The following ZNF93 variants were observed in gnomAD, a reference collection of about 807,000 sequenced individuals.
ZNF93 encodes the protein zinc finger protein 505.
In ZNF93, 29 loss-of-function variants were observed where a neutral mutation model predicts 45.0. That is an observed-to-expected ratio of 0.64 (90% CI 0.48 to 0.88). The LOEUF is 0.88. ZNF93 is among the 40% of genes least tolerant of loss of function. The probability of loss-of-function intolerance (pLI) is 0.00; values close to 1 mark genes in which losing one functional copy is unlikely to be tolerated. For synonymous variants in ZNF93, 223 were observed against 244.6 expected, an observed-to-expected ratio of 0.91 and a Z score of 0.82; for missense variants, 578 against 724.0, an observed-to-expected ratio of 0.80 and a Z score of 2.31.
intron 1 of ZNF93, chr19:19,908,662 G>A (rs1042074974): frequency 6.6e-6 from 1 of 151,986 alleles, no homozygotes; most frequent in South Asian, 2.1e-4. Flanking sequence ...GACCAACATG[G>A]AGAAACCCCT....
rs779491023 is a variant in ZNF93 at position 19,933,930 on chromosome 19, C to A, written c.975C>A (p.Ser325=). The A allele has an allele frequency of 1.6e-5, 26 of 1,612,314 alleles. No homozygotes were observed. The highest frequency in any genetic ancestry group is 1.1e-5 in the Non-Finnish European group (13 of 1,179,432). ...CEECGKAFKY[S]RILTTHKRIH... ...AATGTGGCAAAGCCTTTAAGTACTC[C>A]CGTATCCTTACTACACATAAGAGAA... Residue 325 remains serine, a synonymous_variant, in exon 4 of 4, where the codon TCC becomes TCA. Coordinates refer to ENST00000343769, the MANE Select transcript of ZNF93 (RefSeq NM_031218.4).
In ZNF93 at chr19:19,907,218, A is replaced by G. The variant is rs180998296; in HGVS notation, c.3+6127A>G. On this transcript the variant is annotated intron_variant, in intron 1 of 3. Transcript: ENST00000343769. ...ATTTTTTCCATTTTTAGTCCTTCAA[A>G]GTAGACACAGATTTGTTTAGATAAA... Among the ~76,000 whole-genome samples the G allele has an allele frequency of 7.8e-4, 119 of 152,132 alleles. 1 individual carries two copies. Among genetic ancestry groups the G allele is most frequent in the African/African-American group, 2.7e-3 (114 of 41,482 alleles).
chr19:19,927,100 T>G (rs958337806), intron 3 of ZNF93: 1 of 398,460 alleles, frequency 2.5e-6, no homozygotes, highest in African/African-American at 2.1e-5. Context: ...TTATTGAAGT[T>G]TATATTTCAG....
rs188885157 is a variant in ZNF93 at position 19,909,680 on chromosome 19, G to T, written c.4-5600G>T. Among the ~76,000 whole-genome samples, 102 of 152,288 alleles carry T rather than the reference G, an allele frequency of 6.7e-4. No individual in the cohort carries two copies. The East Asian group carries it at 0.017, about 26-fold the overall frequency. On this transcript the variant is annotated intron_variant, in intron 1 of 3. Coordinates refer to ENST00000343769, the MANE Select transcript of ZNF93 (RefSeq NM_031218.4). ...ATTTTCTTTCTGTTCTATTATTGTG[G>T]AGTTTCTCTGAAAATAGAGAAAATT...
chr19:19,932,057 C>T (rs764891711), intron 3 of ZNF93: 49 of 327,542 alleles, frequency 1.5e-4, no homozygotes, highest in Non-Finnish European at 2.4e-5. Context: ...GGGTGGATCC[C>T]GAGGTCAGGA....
chr19:19,930,888 C>G (rs897663485), intron 3 of ZNF93, among the ~76,000 whole-genome samples: 1 of 152,068 alleles, frequency 6.6e-6, no homozygotes, highest in African/African-American at 2.4e-5. Context: ...GCCTCGGCAC[C>G]TAGGTGGCTT....
intron 1 of ZNF93, among the ~76,000 whole-genome samples, chr19:19,902,562 G>A (rs894811781): frequency 6.6e-6 from 1 of 151,746 alleles, no homozygotes; most frequent in Non-Finnish European, 1.5e-5. Flanking sequence ...CCAGCCAACA[G>A]GAGTTTATAA....
In ZNF93 at chr19:19,916,592, C is replaced by A. The variant is rs745922943; in HGVS notation, c.163C>A (p.His55Asn). The change falls in exon 3 of 4, where the codon CAT (histidine) becomes AAT (asparagine). Residue 55 changes from histidine to asparagine, a missense_variant. Physicochemically the swap from His to Asn is moderately conservative, Grantham distance 68. This residue lies in a region of ZNF93 where 446 missense variants were observed against 547.6 expected (regional missense o/e 0.81). Transcript: ENST00000343769. ...TGTCTCTAAGCCAGACCTGATCGCC[C>A]ATCTGGAGCAAGGAAAAAAACCTTT... ...IVVSKPDLIA[H>N]LEQGKKPLTM... 1.8e-5 allele frequency: 29 copies of A among 1,611,844 alleles called. No individual in the cohort carries two copies. Among genetic ancestry groups the A allele is most frequent in the Non-Finnish European group, 2.3e-5 (27 of 1,179,202 alleles).
At position 19,933,420 on chromosome 19, in the gene ZNF93, T is replaced by A. The variant is rs1341114878; in HGVS notation, c.465T>A (p.His155Gln). Residue 155 changes from histidine to glutamine, a missense_variant, in exon 4 of 4, where the codon CAT becomes CAA. Transcript: ENST00000343769. The part of the protein sequence containing the change: ...FQCDKYGKVF[H>Q]KFSNSNRHNI... ...GTGATAAATATGGGAAAGTCTTTCATAAATTTTCAAATTCAAATAGACATA... is the reference window on the plus strand; with the variant it reads ...GTGATAAATATGGGAAAGTCTTTCAAAAATTTTCAAATTCAAATAGACATA... 3 of 1,596,228 alleles carry A rather than the reference T, an allele frequency of 1.9e-6. No individual in the cohort carries two copies. The African/African-American group carries it at 4.1e-5, about 22-fold the overall frequency.
intron 3 of ZNF93, among the ~76,000 whole-genome samples, chr19:19,920,448 T>G (rs943181653): frequency 6.6e-6 from 1 of 152,220 alleles, no homozygotes; most frequent in African/African-American, 2.4e-5. Flanking sequence ...GGTATCAGGA[T>G]GATGCTGGCC....
At chr19:19,929,937 CAAAAAAAAA>C (rs71172547) in intron 3 of ZNF93, among the ~76,000 whole-genome samples, 19 of 57,688 alleles carry the variant, frequency 3.3e-4, no homozygotes, top group African/African-American at 9.0e-4. Flanking sequence ...GACTCCGTCT[CAAAAAAAAA>C]AAAAAAAAAA....
In ZNF93 at chr19:19,916,816, C is replaced by T. The variant is rs537421859; in HGVS notation, c.226+161C>T. On this transcript the variant is annotated intron_variant, in intron 3 of 3. Coordinates refer to ENST00000343769, the MANE Select transcript of ZNF93 (RefSeq NM_031218.4). ...TTTGTTTCTGTTTTTTAATTTTGTTCTCACAAAGGGACATCTTCCGTTTTA... is the reference window on the plus strand; with the variant it reads ...TTTGTTTCTGTTTTTTAATTTTGTTTTCACAAAGGGACATCTTCCGTTTTA... Among the ~76,000 whole-genome samples the T allele has an allele frequency of 2.0e-5, 3 of 152,198 alleles. No homozygotes were observed. In the East Asian group the frequency reaches 5.8e-4, roughly 29 times the overall value.
In ZNF93 at chr19:19,934,795, A is replaced by G. The variant is rs1381207683; in HGVS notation, c.1840A>G (p.Ile614Val). The G allele has an allele frequency of 6.3e-7, 1 of 1,598,512 alleles. No homozygotes were observed. The highest frequency in any genetic ancestry group is 1.7e-5 in the Admixed American group (1 of 57,482). Reference protein sequence around the residue: ...SPSSLSRHEIIHTGEKP With the variant: ...SPSSLSRHEIVHTGEKP ...CTCAAGCCTTAGTAGACATGAGATAATTCATACTGGGGAGAAACCCTAGAA... is the reference window on the plus strand; with the variant it reads ...CTCAAGCCTTAGTAGACATGAGATAGTTCATACTGGGGAGAAACCCTAGAA... The change falls in exon 4 of 4, where the codon ATT becomes GTT. Residue 614 changes from isoleucine (I) to valine (V), a missense_variant. Transcript: ENST00000343769.
At chr19:19,903,722 G>A (rs975312777) in intron 1 of ZNF93, among the ~76,000 whole-genome samples, 4 of 151,834 alleles carry the variant, frequency 2.6e-5, no homozygotes, top group Admixed American at 2.0e-4. Flanking sequence ...GCCAGATCAA[G>A]CCACAGCACT....
At chr19:19,929,623 TTTTC>T (rs2122193635) in intron 3 of ZNF93, among the ~76,000 whole-genome samples, 1 of 152,224 alleles carries the variant, frequency 6.6e-6, no homozygotes, top group Admixed American at 6.5e-5. Flanking sequence ...ATTAGTGGGT[TTTTC>T]TCCCTGTGTG....
Position 19,934,887 on chromosome 19 carries a change from TTAC to T in ZNF93, c.*71_*73del. ...TTACTATACACTGAGAGTTCTGAAC[TTAC>T]TCTGTAACCATCCCAAACTCCTCCC... is the stretch of plus-strand genomic sequence containing the variant. On this transcript the variant is annotated 3_prime_UTR_variant, in exon 4 of 4. Transcript: ENST00000343769. 6.7e-7 allele frequency: 1 copy of T among 1,493,518 alleles called. No individual in the cohort carries two copies. Among genetic ancestry groups the T allele is most frequent in the Non-Finnish European group, 9.0e-7 (1 of 1,111,150 alleles). 92.5% of individuals were successfully genotyped at this position (1,493,518 alleles called of 1,614,324 possible). A position where few individuals can be genotyped will look rare whatever the true frequency, so the allele number is the denominator to read the frequency against.
Position 19,933,370 on chromosome 19 carries a change from A to G in ZNF93, c.415A>G (p.Thr139Ala), listed in dbSNP as rs1441936541. The G allele has an allele frequency of 6.9e-6, 11 of 1,605,452 alleles. 1 individual carries two copies. Among genetic ancestry groups the G allele is most frequent in the South Asian group, 6.7e-5 (6 of 89,394 alleles). Residue 139 changes from threonine to alanine, a missense_variant, in exon 4 of 4, where the codon ACT becomes GCT. Physicochemically the swap from Thr to Ala is moderately conservative, Grantham distance 58. Coordinates refer to ENST00000343769, the MANE Select transcript of ZNF93 (RefSeq NM_031218.4). ...GYNGLNQCST[T>A]TQSKVFQCDK... ...TAATGGACTTAACCAGTGTAGTACA[A>G]CTACCCAGAGCAAAGTATTTCAATG...
chr19:19,933,559 A>T lies in ZNF93; in HGVS notation c.604A>T (p.Ile202Phe), dbSNP rs575461534. 1.2e-5 allele frequency: 20 copies of T among 1,607,988 alleles called. No homozygotes were observed. The African/African-American group carries it at 2.7e-4, about 22-fold the overall frequency. ...KKIHTGEKPY[I>F]CEECGKAFKY... Reference sequence around the variant, plus strand: ...AATTCATACTGGAGAGAAACCCTACATTTGTGAAGAATGTGGCAAAGCCTT... The same window carrying T: ...AATTCATACTGGAGAGAAACCCTACTTTTGTGAAGAATGTGGCAAAGCCTT... The change falls in exon 4 of 4, where the codon ATT (isoleucine) becomes TTT (phenylalanine). Residue 202 changes from isoleucine to phenylalanine, a missense_variant. By Grantham distance (21) the Ile-to-Phe change is conservative (BLOSUM62 0). Around this residue, in one of 3 missense-constraint regions of ZNF93, gnomAD observed 446 missense variants for 547.6 expected, o/e 0.81. Transcript: ENST00000343769.
intron 2 of ZNF93, among the ~76,000 whole-genome samples, chr19:19,915,678 TAA>T (rs1281728449): frequency 6.6e-6 from 1 of 151,950 alleles, no homozygotes; most frequent in Non-Finnish European, 1.5e-5. Context: ...CCATCTCTAC[TAA>T]AAATACAAAA....
Sources: allele counts gnomAD v4.1 joint callset (sites outside exome capture counted in the v4.1 genomes callset), GRCh38; gene constraint gnomAD v4.1.1; regional missense constraint gnomAD v4.1.1; transcripts MANE v1.5; gene names NCBI Gene and HGNC (gene_info 2026-07-23, HGNC 2026-07-21).